Variants in MCF2L2 observed in about 807,000 individuals in gnomAD.
MCF2L2 encodes probable guanine nucleotide exchange factor MCF2L2.
Under a neutral mutation model 150.2 loss-of-function variants are expected in MCF2L2, and 102 were observed. The observed-to-expected ratio is 0.68, with a 90% CI of 0.58 to 0.80. MCF2L2 has a LOEUF of 0.80. MCF2L2 is among the 30% of genes least tolerant of loss of function. The pLI, the probability that MCF2L2 is intolerant of heterozygous loss-of-function variation, is 0.00. For synonymous variants in MCF2L2, 465 were observed against 491.3 expected (o/e 0.95, Z 0.71); for missense variants, 1,256 against 1,372.8 (o/e 0.91, Z 1.34).
intron 2 of MCF2L2, among the ~76,000 whole-genome samples, chr3:183,387,081 C>G (rs920918878): frequency 1.3e-5 from 2 of 151,956 alleles, no homozygotes; most frequent in African/African-American, 2.4e-5. Context: ...CATGGCAAAA[C>G]CCCATCTCTA....
chr3:183,348,651 G>T (rs1387398796), intron 3 of MCF2L2, among the ~76,000 whole-genome samples: 2 of 152,048 alleles, frequency 1.3e-5, no homozygotes, highest in East Asian at 1.9e-4. Context: ...TATGAGGAGA[G>T]AGTTAGATTG....
chr3:183,215,924 A>T, intron 22 of MCF2L2, 45 bp downstream of exon 22: 1 of 1,595,068 alleles, frequency 6.3e-7, no homozygotes. Flanking sequence ...GTAGTATTGC[A>T]CCTGCCTTTT....
At chr3:183,409,589 C>G (rs1019546003) in intron 1 of MCF2L2, among the ~76,000 whole-genome samples, 7 of 130,890 alleles carry the variant, frequency 5.3e-5, no homozygotes, top group Non-Finnish European at 9.3e-5. Flanking sequence ...AGTTTCTGCT[C>G]TGTTGCCCAG....
chr3:183,341,535 T>C lies in MCF2L2; in HGVS notation c.366+5A>G. ...TATAATAAAAGCACAAAAATAAATATTTACAGCTATTCGTGTCAAGGATGC... is the reference window on the plus strand; with the variant it reads ...TATAATAAAAGCACAAAAATAAATACTTACAGCTATTCGTGTCAAGGATGC... On this transcript the variant is annotated splice_donor_5th_base_variant and intron_variant, in intron 4 of 29. Transcript: ENST00000328913. 6.3e-7 allele frequency: 1 copy of C among 1,599,478 alleles called. No homozygotes were observed.
intron 3 of MCF2L2, among the ~76,000 whole-genome samples, chr3:183,350,705 C>T (rs1731078204): frequency 6.6e-6 from 1 of 152,084 alleles, no homozygotes; most frequent in South Asian, 2.1e-4. Context: ...GAGATCGAGA[C>T]CATCCTGTCT....
chr3:183,383,532 C>G (rs1197605986), intron 2 of MCF2L2, among the ~76,000 whole-genome samples: 1 of 152,090 alleles, frequency 6.6e-6, no homozygotes, highest in Non-Finnish European at 1.5e-5. Flanking sequence ...AGCCACCATG[C>G]CCGGCCAAGA....
chr3:183,388,723 G>A (rs987229931), intron 2 of MCF2L2, among the ~76,000 whole-genome samples: 1 of 152,204 alleles, frequency 6.6e-6, no homozygotes, highest in African/African-American at 2.4e-5. Flanking sequence ...CCTGGATTGT[G>A]TAAGATGTGG....
intron 1 of MCF2L2, among the ~76,000 whole-genome samples, chr3:183,420,862 C>G (rs1012278768): frequency 6.6e-6 from 1 of 152,174 alleles, no homozygotes; most frequent in Admixed American, 6.5e-5. Flanking sequence ...CTCCCATTAT[C>G]CAATCACCCC....
chr3:183,327,910 T>C (rs1265940053), intron 5 of MCF2L2, among the ~76,000 whole-genome samples: 2 of 152,240 alleles, frequency 1.3e-5, no homozygotes, highest in African/African-American at 4.8e-5. Context: ...GTATCTTGTA[T>C]TATTTATAAT....
At chr3:183,371,843 T>G (rs905430705) in intron 3 of MCF2L2, among the ~76,000 whole-genome samples, 2 of 152,028 alleles carry the variant, frequency 1.3e-5, no homozygotes, top group African/African-American at 4.8e-5. Flanking sequence ...TAGTCACTTA[T>G]GCCTCAGTTT....
At chr3:183,212,532 G>A (rs1483627065) in intron 22 of MCF2L2, among the ~76,000 whole-genome samples, 1 of 152,186 alleles carries the variant, frequency 6.6e-6, no homozygotes, top group Non-Finnish European at 1.5e-5. Flanking sequence ...TAAGAGCCCC[G>A]ATACAAGGAT....
At chr3:183,277,441 C>T (rs902820300) in intron 14 of MCF2L2, among the ~76,000 whole-genome samples, 1 of 150,914 alleles carries the variant, frequency 6.6e-6, no homozygotes, top group Non-Finnish European at 1.5e-5. Flanking sequence ...GTAAAGCGAT[C>T]ACTGCATTCA....
At chr3:183,208,839 C>T (rs546017943) in intron 22 of MCF2L2, among the ~76,000 whole-genome samples, 4 of 152,318 alleles carry the variant, frequency 2.6e-5, no homozygotes, top group African/African-American at 9.6e-5. Flanking sequence ...ATATGTTGGG[C>T]AAACTCTAGG....
chr3:183,381,651 C>T (rs185019233), intron 2 of MCF2L2, among the ~76,000 whole-genome samples: 1 of 152,212 alleles, frequency 6.6e-6, no homozygotes, highest in East Asian at 1.9e-4. Context: ...TGCTGTAGAA[C>T]GAAACCATGT....
At chr3:183,209,827 TC>T (rs1212980728) in intron 22 of MCF2L2, among the ~76,000 whole-genome samples, 1 of 152,128 alleles carries the variant, frequency 6.6e-6, no homozygotes, top group African/African-American at 2.4e-5. Context: ...AAAATTACCT[TC>T]AGTCTATGTG....
At position 183,197,074 on chromosome 3, in the gene MCF2L2, C is replaced by T. The variant is rs960507030; in HGVS notation, c.2885-1819G>A. Among the ~76,000 whole-genome samples, 3 of 152,124 alleles carry T rather than the reference C, an allele frequency of 2.0e-5. No individual in the cohort carries two copies. The highest frequency in any genetic ancestry group is 4.4e-5 in the Non-Finnish European group (3 of 68,038). On this transcript the variant is annotated intron_variant, in intron 25 of 29. Coordinates refer to ENST00000328913, the MANE Select transcript of MCF2L2 (RefSeq NM_015078.4). This position sits in a 1 kb window ranked among gnomAD's most constrained non-coding sequence, Gnocchi z 4.5. Reference sequence around the variant, plus strand: ...TCACCAAATTGTTCTAGAGATTTTACATAATCCTAATCAAAATCTCAATAA... The same window carrying T: ...TCACCAAATTGTTCTAGAGATTTTATATAATCCTAATCAAAATCTCAATAA...
chr3:183,289,685 G>A (rs1559999845), intron 13 of MCF2L2, among the ~76,000 whole-genome samples: 1 of 152,072 alleles, frequency 6.6e-6, no homozygotes, highest in Admixed American at 6.5e-5. Flanking sequence ...GTGAAATCCC[G>A]TCTCTATTAA....
At chr3:183,351,773 C>T (rs12638027) in intron 3 of MCF2L2, among the ~76,000 whole-genome samples, 17,058 of 152,094 alleles carry the variant, frequency 0.11, 1,569 homozygotes, top group African/African-American at 0.24. Flanking sequence ...GATGATTAGC[C>T]TATGTCTTTT....
At chr3:183,220,264 T>C (rs1045097174) in intron 20 of MCF2L2, among the ~76,000 whole-genome samples, 1 of 152,228 alleles carries the variant, frequency 6.6e-6, no homozygotes, top group African/African-American at 2.4e-5. Flanking sequence ...CATTCAGCAA[T>C]ATCTCATGAA....
Sources: gnomAD v4.1 joint callset for allele counts (sites outside exome capture counted in the v4.1 genomes callset) on GRCh38, gnomAD v4.1.1 for gene constraint, Gnocchi (gnomAD v3.1) non-coding constraint, MANE v1.5 for transcripts, NCBI Gene and HGNC (gene_info 2026-07-23, HGNC 2026-07-21) for gene names.